The following FSTL4 variants were observed in gnomAD, a reference collection of about 807,000 sequenced individuals.
The protein encoded by FSTL4 is follistatin-related protein 4.
A neutral mutation model predicts 78.2 loss-of-function variants in FSTL4; 28 were observed. That is an observed-to-expected ratio of 0.36 (90% CI 0.27 to 0.49). The LOEUF is 0.49. Ranked by LOEUF, FSTL4 falls within the 20% of genes least tolerant of loss-of-function variation. The pLI, the probability that FSTL4 is intolerant of heterozygous loss-of-function variation, is 0.98. For missense variants in FSTL4, 922 were observed against 1,084.9 expected (o/e 0.85, Z 2.11); for synonymous variants, 422 against 440.5 (o/e 0.96, Z 0.53).
At chr5:133,306,892 T>C (rs1753670059) in intron 6 of FSTL4, among the ~76,000 whole-genome samples, 1 of 152,154 alleles carries the variant, frequency 6.6e-6, no homozygotes. Flanking sequence ...CACAGGGTGA[T>C]GGGGCACACA....
intron 4 of FSTL4, among the ~76,000 whole-genome samples, chr5:133,326,864 G>A (rs1243048587): frequency 5.9e-5 from 9 of 152,156 alleles, no homozygotes; most frequent in Admixed American, 5.2e-4. Context: ...AGGGACCTAC[G>A]GTGGGCATAC....
chr5:133,664,133 A>G, the FSTL4 span, among the ~76,000 whole-genome samples: 1 of 152,118 alleles, frequency 6.6e-6, no homozygotes, highest in Non-Finnish European at 1.5e-5. Context: ...TTGACAGGTA[A>G]TAGGTTTCCA....
intron 6 of FSTL4, among the ~76,000 whole-genome samples, chr5:133,283,928 A>G (rs555921440): frequency 1.6e-4 from 25 of 152,270 alleles, no homozygotes; most frequent in African/African-American, 6.0e-4. Context: ...GCAGAGCAGG[A>G]GAGAAAGAGC....
chr5:133,418,219 A>G (rs1756618388), intron 3 of FSTL4, among the ~76,000 whole-genome samples: 1 of 144,148 alleles, frequency 6.9e-6, no homozygotes, highest in Non-Finnish European at 1.5e-5. Context: ...TCTGATCAAG[A>G]AGAAAAAAGA....
chr5:133,209,996 A>G, intron 14 of FSTL4, 195 bp downstream of exon 14: 1 of 491,558 alleles, frequency 2.0e-6, no homozygotes, highest in Non-Finnish European at 3.7e-6. Flanking sequence ...CCTATTCATC[A>G]TCATTATTGC....
intron 3 of FSTL4, among the ~76,000 whole-genome samples, chr5:133,538,412 T>C (rs546759915): frequency 2.9e-4 from 44 of 152,340 alleles, no homozygotes; most frequent in Admixed American, 2.7e-3. Context: ...CATCCCAATA[T>C]TGGTGATGCT....
chr5:133,361,986 T>C lies in FSTL4; in HGVS notation c.409+38752A>G, dbSNP rs575907907. 1.4e-4 allele frequency among the ~76,000 whole-genome samples: 21 copies of C among 152,368 alleles called. No individual in the cohort carries two copies. Among genetic ancestry groups the C allele is most frequent in the Admixed American group, 1.4e-3 (21 of 15,312 alleles). On this transcript the variant is annotated intron_variant, in intron 4 of 15. Transcript: ENST00000265342. This position sits in a 1 kb window ranked among gnomAD's most constrained non-coding sequence, Gnocchi z 4.3. ...AGTTATCCATGAATACAAAGTATTT[T>C]GTGCATGGCTTAATATACTTGGAAT... is the stretch of plus-strand genomic sequence containing the variant.
chr5:133,721,724 A>G, the FSTL4 span, among the ~76,000 whole-genome samples: 1 of 152,016 alleles, frequency 6.6e-6, no homozygotes, highest in Admixed American at 6.5e-5. Context: ...TTTGTCTTTA[A>G]CTTTTGACAA....
At chr5:133,441,376 G>T (rs943248026) in intron 3 of FSTL4, among the ~76,000 whole-genome samples, 5 of 152,216 alleles carry the variant, frequency 3.3e-5, no homozygotes, top group African/African-American at 1.2e-4. Context: ...AGCACCCCGA[G>T]GGGAGACAGA....
intron 1 of FSTL4, among the ~76,000 whole-genome samples, chr5:133,606,440 A>G (rs936958049): frequency 1.3e-5 from 2 of 152,208 alleles, no homozygotes; most frequent in African/African-American, 4.8e-5. Context: ...CCATTTTTCT[A>G]AAAATAAACA....
At chr5:133,701,507 A>ACCC in the FSTL4 span, among the ~76,000 whole-genome samples, 2 of 102,706 alleles carry the variant, frequency 1.9e-5, no homozygotes, top group Non-Finnish European at 4.1e-5. Flanking sequence ...ACACACACAC[A>ACCC]CACCCCACAG....
intron 3 of FSTL4, among the ~76,000 whole-genome samples, chr5:133,414,614 A>C (rs1268901647): frequency 6.6e-6 from 1 of 152,238 alleles, no homozygotes; most frequent in African/African-American, 2.4e-5. Context: ...TTTTCTTACC[A>C]AGCACATCAG....
intron 3 of FSTL4, among the ~76,000 whole-genome samples, chr5:133,547,521 T>A (rs561629187): frequency 2.6e-5 from 4 of 152,158 alleles, no homozygotes; most frequent in Admixed American, 6.5e-5. Flanking sequence ...CCCAGTGTGG[T>A]GGTGTTGGGA....
At chr5:133,667,709 C>A in the FSTL4 span, among the ~76,000 whole-genome samples, 1 of 152,196 alleles carries the variant, frequency 6.6e-6, no homozygotes, top group Non-Finnish European at 1.5e-5. Flanking sequence ...AACATCCTCA[C>A]TCCTAGCCTG....
chr5:133,444,731 G>T (rs1028117248), intron 3 of FSTL4, among the ~76,000 whole-genome samples: 1 of 151,994 alleles, frequency 6.6e-6, no homozygotes, highest in African/African-American at 2.4e-5. Context: ...CCTGTCCTTG[G>T]GGTAACTCAC....
At chr5:133,665,735 T>A in the FSTL4 span, among the ~76,000 whole-genome samples, 6 of 152,192 alleles carry the variant, frequency 3.9e-5, no homozygotes, top group Admixed American at 3.3e-4. Context: ...CCTGGGAACA[T>A]CTGGCTGACA....
rs1751287295 is a variant in FSTL4 at position 133,225,188 on chromosome 5, A to G, written c.1274T>C (p.Ile425Thr). The change falls in exon 10 of 16, where the codon ATC (isoleucine) becomes ACC (threonine). Residue 425 changes from isoleucine (I) to threonine (T), a missense_variant. Ile to Thr is a moderately conservative substitution (Grantham distance 89). Transcript: ENST00000265342. The surrounding 1 kb of genome is among the most constrained non-coding windows in gnomAD (Gnocchi z 4.6). ...TGAGTCTTCAATGAAGAGCGAGGAGATATCTTCATCCACACCCACTTCATT... is the reference window on the plus strand; with the variant it reads ...TGAGTCTTCAATGAAGAGCGAGGAGGTATCTTCATCCACACCCACTTCATT... ...AKNEVGVDEDISSLFIEDSAR... is the reference protein window; with the variant it reads ...AKNEVGVDEDTSSLFIEDSAR... 3 of 1,614,060 alleles carry G rather than the reference A, an allele frequency of 1.9e-6. No individual in the cohort carries two copies. The highest frequency in any genetic ancestry group is 2.2e-5 in the East Asian group (1 of 44,876).
the FSTL4 span, among the ~76,000 whole-genome samples, chr5:133,808,356 G>A: frequency 1.3e-5 from 2 of 152,156 alleles, no homozygotes. Flanking sequence ...TCAAAGGAGC[G>A]AAGCCATGTT....
intron 3 of FSTL4, among the ~76,000 whole-genome samples, chr5:133,535,981 A>G (rs1470597980): frequency 1.3e-5 from 2 of 152,184 alleles, no homozygotes; most frequent in African/African-American, 4.8e-5. Context: ...GAGTAGGGAC[A>G]ATGCCTTGTT....
Sources: gnomAD v4.1 joint callset for allele counts (sites outside exome capture counted in the v4.1 genomes callset) on GRCh38, gnomAD v4.1.1 for gene constraint, Gnocchi (gnomAD v3.1) non-coding constraint, MANE v1.5 for transcripts, NCBI Gene and HGNC (gene_info 2026-07-23, HGNC 2026-07-21) for gene names.